Variants in PDSS2 observed in about 807,000 individuals in gnomAD.
The protein encoded by PDSS2 is decaprenyl diphosphate synthase subunit 2.
In PDSS2, 31 loss-of-function variants were observed where a neutral mutation model predicts 44.5. That is an observed-to-expected ratio of 0.70 (90% CI 0.52 to 0.94). The LOEUF is 0.94. PDSS2 is among the 40% of genes least tolerant of loss of function. The pLI, the probability that PDSS2 is intolerant of heterozygous loss-of-function variation, is 0.00. For synonymous variants in PDSS2, 157 were observed against 180.3 expected (o/e 0.87, Z 1.03); for missense variants, 452 against 482.2 (o/e 0.94, Z 0.59).
chr6:107,422,934 A>C (rs929885682), intron 1 of PDSS2, among the ~76,000 whole-genome samples: 1 of 152,162 alleles, frequency 6.6e-6, no homozygotes, highest in Admixed American at 6.5e-5. Flanking sequence ...TTACGATGCT[A>C]AAAGCACTAC....
intron 2 of PDSS2, among the ~76,000 whole-genome samples, chr6:107,281,210 G>T (rs1019994965): frequency 5.9e-5 from 9 of 151,994 alleles, no homozygotes; most frequent in Non-Finnish European, 1.3e-4. Context: ...CCTAAAGAGG[G>T]TTGGGGGCCC....
chr6:107,450,833 A>G (rs1252777109), intron 1 of PDSS2, among the ~76,000 whole-genome samples: 1 of 152,186 alleles, frequency 6.6e-6, no homozygotes, highest in African/African-American at 2.4e-5. Context: ...CTGATTGATC[A>G]ATCAACTGAT....
chr6:107,390,773 T>A (rs1307657913), intron 1 of PDSS2, among the ~76,000 whole-genome samples: 1 of 152,084 alleles, frequency 6.6e-6, no homozygotes, highest in Non-Finnish European at 1.5e-5. Context: ...AAAAGTGTAT[T>A]AAATATGTGC....
intron 6 of PDSS2, among the ~76,000 whole-genome samples, chr6:107,206,689 CA>C (rs1215394150): frequency 6.6e-6 from 1 of 151,730 alleles, no homozygotes; most frequent in South Asian, 2.1e-4. Context: ...AAAAAAATTG[CA>C]AAAAAACCTT....
At chr6:107,317,380 G>A (rs1777234254) in intron 2 of PDSS2, among the ~76,000 whole-genome samples, 1 of 152,140 alleles carries the variant, frequency 6.6e-6, no homozygotes, top group Non-Finnish European at 1.5e-5. Flanking sequence ...AAACTGAGAG[G>A]GCACAAAATG....
chr6:107,427,286 T>A (rs1287860261), intron 1 of PDSS2, among the ~76,000 whole-genome samples: 1 of 152,176 alleles, frequency 6.6e-6, no homozygotes, highest in Non-Finnish European at 1.5e-5. Flanking sequence ...CACAAACCAT[T>A]TTTTGTGACT....
chr6:107,234,813 C>T (rs909750021), intron 4 of PDSS2, among the ~76,000 whole-genome samples: 7 of 152,010 alleles, frequency 4.6e-5, no homozygotes, highest in Non-Finnish European at 7.4e-5. Flanking sequence ...ACTTAGGGTA[C>T]CAGCAATGCA....
intron 7 of PDSS2, among the ~76,000 whole-genome samples, chr6:107,183,991 C>T (rs890346828): frequency 4.8e-5 from 7 of 145,862 alleles, no homozygotes; most frequent in African/African-American, 1.8e-4. Flanking sequence ...GAGAATTAAA[C>T]TCTGTCTCAA....
At chr6:107,242,561 A>T (rs1194393500) in intron 4 of PDSS2, among the ~76,000 whole-genome samples, 3 of 150,536 alleles carry the variant, frequency 2.0e-5, no homozygotes, top group African/African-American at 7.4e-5. Context: ...ATTATTTTTT[A>T]AGAGACAAGG....
intron 7 of PDSS2, among the ~76,000 whole-genome samples, chr6:107,189,527 G>A (rs1315394079): frequency 3.3e-5 from 5 of 151,854 alleles, no homozygotes; most frequent in Admixed American, 6.6e-5. Context: ...TAGTAGGGAC[G>A]GGGTTTCACC....
At chr6:107,265,395 A>G (rs1309044873) in intron 3 of PDSS2, among the ~76,000 whole-genome samples, 2 of 152,230 alleles carry the variant, frequency 1.3e-5, no homozygotes, top group Non-Finnish European at 2.9e-5. Context: ...TGAATAAGTC[A>G]TAAAAAATTA....
chr6:107,369,421 AAAT>A (rs1301708342), intron 1 of PDSS2, among the ~76,000 whole-genome samples: 6 of 152,184 alleles, frequency 3.9e-5, no homozygotes. Flanking sequence ...CCATCTCAAA[AAAT>A]AATAATAAAA....
chr6:107,380,247 T>A (rs73513153), intron 1 of PDSS2, among the ~76,000 whole-genome samples: 3,946 of 152,302 alleles, frequency 0.026, 195 homozygotes, highest in African/African-American at 0.091. Context: ...CTTAATTTAC[T>A]GGAGCTCTGT....
chr6:107,459,100 G>A lies in PDSS2; in HGVS notation c.186C>T (p.Tyr62=), dbSNP rs1782158057. Reference sequence around the variant, plus strand: ...AGCGAAGGCTCATGAAGGACGTGGGGTACCCCACGATCTTCTCCGCCTCTG... The same window carrying A: ...AGCGAAGGCTCATGAAGGACGTGGGATACCCCACGATCTTCTCCGCCTCTG... The part of the protein sequence containing the change: ...VVSEAEKIVG[Y]PTSFMSLRCL... The change falls in exon 1 of 8, where the codon TAC becomes TAT. Residue 62 remains tyrosine (Y), a synonymous_variant. Coordinates refer to ENST00000369037, the MANE Select transcript of PDSS2 (RefSeq NM_020381.4). This position sits in a 1 kb window ranked among gnomAD's most constrained non-coding sequence, Gnocchi z 4.3. 2 of 1,614,074 alleles carry A rather than the reference G, an allele frequency of 1.2e-6. No homozygotes were observed. Among genetic ancestry groups the A allele is most frequent in the Non-Finnish European group, 1.7e-6 (2 of 1,180,020 alleles).
At chr6:107,388,171 T>C (rs558251956) in intron 1 of PDSS2, among the ~76,000 whole-genome samples, 2 of 152,242 alleles carry the variant, frequency 1.3e-5, no homozygotes, top group East Asian at 3.9e-4. Flanking sequence ...ATGTCAACAA[T>C]ATGTATACTT....
chr6:107,433,592 A>C (rs1018873078), intron 1 of PDSS2, among the ~76,000 whole-genome samples: 5 of 152,222 alleles, frequency 3.3e-5, no homozygotes, highest in Admixed American at 3.3e-4. Flanking sequence ...CCAGACCTTT[A>C]TCTCTCACTA....
chr6:107,261,427 T>C (rs1243640537), intron 3 of PDSS2, among the ~76,000 whole-genome samples: 1 of 152,188 alleles, frequency 6.6e-6, no homozygotes, highest in Non-Finnish European at 1.5e-5. Flanking sequence ...TGCTCCCACT[T>C]TGCCTTCTGC....
chr6:107,174,928 C>G (rs564101937), intron 7 of PDSS2, among the ~76,000 whole-genome samples: 1 of 152,140 alleles, frequency 6.6e-6, no homozygotes, highest in African/African-American at 2.4e-5. Context: ...TAAGATCTCT[C>G]TCTTGGCCAG....
At chr6:107,419,800 G>T (rs1355799349) in intron 1 of PDSS2, among the ~76,000 whole-genome samples, 1 of 152,108 alleles carries the variant, frequency 6.6e-6, no homozygotes, top group Non-Finnish European at 1.5e-5. Context: ...TGCATCTTTT[G>T]GTTAACTTAG....
Sources: allele counts gnomAD v4.1 joint callset (sites outside exome capture counted in the v4.1 genomes callset), GRCh38; gene constraint gnomAD v4.1.1; non-coding constraint Gnocchi (gnomAD v3.1); transcripts MANE v1.5; gene names NCBI Gene and HGNC (gene_info 2026-07-23, HGNC 2026-07-21).